Variants in MANBA observed in about 807,000 individuals in gnomAD.
MANBA encodes the protein mannosidase beta.
Under a neutral mutation model 111.1 loss-of-function variants are expected in MANBA, and 83 were observed. The ratio of observed to expected loss-of-function variants is 0.75; its 90% CI spans 0.63 to 0.90. MANBA has a LOEUF of 0.90. MANBA is among the 40% of genes least tolerant of loss of function. The pLI, the probability that MANBA is intolerant of heterozygous loss-of-function variation, is 0.00. For missense variants in MANBA, 1,036 were observed against 1,069.0 expected, an observed-to-expected ratio of 0.97 and a Z score of 0.43; for synonymous variants, 370 against 378.7, an observed-to-expected ratio of 0.98 and a Z score of 0.27.
At chr4:102,760,516 T>C (rs1468109954) in intron 1 of MANBA, among the ~76,000 whole-genome samples, 1 of 152,198 alleles carries the variant, frequency 6.6e-6, no homozygotes, top group African/African-American at 2.4e-5. Flanking sequence ...TGTCCCAACA[T>C]GGGTCGGTCG....
intron 5 of MANBA, among the ~76,000 whole-genome samples, chr4:102,710,063 G>T (rs1171574851): frequency 6.6e-6 from 1 of 152,124 alleles, no homozygotes; most frequent in Non-Finnish European, 1.5e-5. Context: ...CACACCAAAT[G>T]AGGAGGAGCT....
intron 14 of MANBA, among the ~76,000 whole-genome samples, chr4:102,638,014 T>C (rs1458108539): frequency 6.6e-6 from 1 of 152,216 alleles, no homozygotes; most frequent in African/African-American, 2.4e-5. Context: ...TGGAGGGCAC[T>C]CGCATGGTGT....
chr4:102,648,056 T>C (rs1334012616), intron 13 of MANBA, among the ~76,000 whole-genome samples: 1 of 152,112 alleles, frequency 6.6e-6, no homozygotes, highest in Non-Finnish European at 1.5e-5. Context: ...ATGGCAAAAC[T>C]AGCAGGTAAA....
intron 1 of MANBA, chr4:102,727,563 T>C (rs1722857447): frequency 6.2e-7 from 1 of 1,606,074 alleles, no homozygotes; most frequent in Non-Finnish European, 8.5e-7. Context: ...ACTGATCACC[T>C]GGGGACGAGA....
At chr4:102,668,428 T>C (rs1731321814) in intron 10 of MANBA, 1 of 161,644 alleles carries the variant, frequency 6.2e-6, no homozygotes, top group Non-Finnish European at 1.4e-5. Flanking sequence ...TTGGGCATTA[T>C]TTCTAGATCT....
At chr4:102,658,679 T>C (rs1578876885) in intron 11 of MANBA, among the ~76,000 whole-genome samples, 1 of 152,216 alleles carries the variant, frequency 6.6e-6, no homozygotes, top group Non-Finnish European at 1.5e-5. Context: ...CTAGCCCATA[T>C]GGGGCCATGT....
chr4:102,635,837 A>C, intron 15 of MANBA, 28 bp downstream of exon 15: 1 of 1,599,942 alleles, frequency 6.3e-7, no homozygotes. Context: ...GTCTCCTTCG[A>C]TCTTAGAAAA....
chr4:102,648,031 G>A (rs1270591813), intron 13 of MANBA, among the ~76,000 whole-genome samples: 1 of 151,966 alleles, frequency 6.6e-6, no homozygotes, highest in African/African-American at 2.4e-5. Context: ...TCCTCTCTAA[G>A]AACTTTAAAC....
chr4:102,635,090 T>C (rs764609057), intron 15 of MANBA, 45 bp from the exon 16 acceptor site: 17 of 1,606,624 alleles, frequency 1.1e-5, no homozygotes, highest in Non-Finnish European at 1.3e-5. Context: ...TCTTGGTTGC[T>C]ATGTTTTTAA....
intron 1 of MANBA, among the ~76,000 whole-genome samples, chr4:102,739,260 T>C (rs1014013750): frequency 1.3e-5 from 2 of 151,996 alleles, no homozygotes; most frequent in Admixed American, 6.5e-5. Context: ...CAGGAAGAAA[T>C]AGAAACTCTC....
chr4:102,638,627 T>C (rs954422922), intron 14 of MANBA, among the ~76,000 whole-genome samples: 1 of 152,202 alleles, frequency 6.6e-6, no homozygotes, highest in Non-Finnish European at 1.5e-5. Flanking sequence ...GCAGGATCAG[T>C]ATCCAAGAGT....
chr4:102,720,216 C>T (rs1722509550), intron 4 of MANBA, among the ~76,000 whole-genome samples: 1 of 152,104 alleles, frequency 6.6e-6, no homozygotes, highest in African/African-American at 2.4e-5. Flanking sequence ...GGGTGGATCA[C>T]CTGAGGTCAG....
chr4:102,725,193 G>A (rs775627008), intron 2 of MANBA, among the ~76,000 whole-genome samples: 13 of 152,114 alleles, frequency 8.5e-5, no homozygotes, highest in Non-Finnish European at 1.3e-4. Flanking sequence ...GTAACTGTAA[G>A]TATACTAAAA....
Position 102,760,905 on chromosome 4 carries a change from C to A in MANBA, c.-11G>T. 1.3e-6 allele frequency: 2 copies of A among 1,523,890 alleles called. No individual in the cohort carries two copies. The highest frequency in any genetic ancestry group is 2.4e-5 in the East Asian group (1 of 41,676). The allele number at this position is 1,523,890 out of a possible 1,614,324, so 94.4% of individuals were successfully genotyped here. ...CAGGTGGAGGCGCATCTTGAGATCC[C>A]GCGCCACCGAGATGTGGAGAGATCG... On this transcript the variant is annotated 5_prime_UTR_variant, in exon 1 of 17. Transcript: ENST00000647097.
At position 102,657,738 on chromosome 4, in the gene MANBA, G is replaced by C. The variant is rs780068572; in HGVS notation, c.1648C>G (p.Arg550Gly). ...CWNWKVFPKARFASEYGYQSW... is the reference protein window; with the variant it reads ...CWNWKVFPKAGFASEYGYQSW... Reference sequence around the variant, plus strand: ...TGATATCCATATTCAGATGCAAATCGAGCTTTTGGGAAAACTTTCCAGTTC... The same window carrying C: ...TGATATCCATATTCAGATGCAAATCCAGCTTTTGGGAAAACTTTCCAGTTC... Residue 550 changes from arginine (R) to glycine (G), a missense_variant, in exon 12 of 17, where the codon CGA becomes GGA. By Grantham distance (125) the Arg-to-Gly change is moderately radical (BLOSUM62 -2). Coordinates refer to ENST00000647097, the MANE Select transcript of MANBA (RefSeq NM_005908.4). The C allele has an allele frequency of 1.9e-6, 3 of 1,613,780 alleles. No individual in the cohort carries two copies. The highest frequency in any genetic ancestry group is 2.5e-6 in the Non-Finnish European group (3 of 1,179,802).
intron 5 of MANBA, among the ~76,000 whole-genome samples, chr4:102,704,935 T>C (rs1317175079): frequency 2.6e-5 from 4 of 152,214 alleles, no homozygotes; most frequent in Admixed American, 2.6e-4. Context: ...GTACAAAATA[T>C]ATTACTGTCA....
At chr4:102,659,322 G>A (rs890485706) in intron 11 of MANBA, among the ~76,000 whole-genome samples, 2 of 152,200 alleles carry the variant, frequency 1.3e-5, no homozygotes, top group African/African-American at 4.8e-5. Flanking sequence ...CAGAAGGCCA[G>A]TAAGCCTTCC....
chr4:102,715,531 A>G (rs1021298718), intron 4 of MANBA, among the ~76,000 whole-genome samples: 1 of 152,116 alleles, frequency 6.6e-6, no homozygotes, highest in African/African-American at 2.4e-5. Flanking sequence ...GTACAAGTGC[A>G]GGTTTGTTAT....
chr4:102,747,169 A>G (rs1400097786), intron 1 of MANBA, among the ~76,000 whole-genome samples: 1 of 151,470 alleles, frequency 6.6e-6, no homozygotes, highest in Admixed American at 6.6e-5. Flanking sequence ...ATATATATAT[A>G]TATAAAGGGG....
Sources: gnomAD v4.1 joint callset for allele counts (sites outside exome capture counted in the v4.1 genomes callset) on GRCh38, gnomAD v4.1.1 for gene constraint, MANE v1.5 for transcripts, NCBI Gene and HGNC (gene_info 2026-07-23, HGNC 2026-07-21) for gene names.